The following SGCD variants were observed in gnomAD, a reference collection of about 807,000 sequenced individuals.
SGCD encodes the protein delta-sarcoglycan.
SGCD carries 18 observed loss-of-function variants against 36.6 expected under a neutral mutation model. The ratio of observed to expected loss-of-function variants is 0.49; its 90% confidence interval spans 0.34 to 0.73. The LOEUF is 0.73. SGCD is among the 30% of genes least tolerant of loss of function. The pLI is 0.01. For missense variants in SGCD, 387 were observed against 346.7 expected (o/e 1.12, Z -0.92); for synonymous variants, 133 against 130.6 (o/e 1.02, Z -0.12).
intron 6 of SGCD, among the ~76,000 whole-genome samples, chr5:156,613,312 G>T (rs914010373): frequency 6.6e-6 from 1 of 152,164 alleles, no homozygotes; most frequent in Non-Finnish European, 1.5e-5. Flanking sequence ...CACAGCCCTT[G>T]TGTGTTCACA....
At chr5:155,962,861 G>A (rs757271967) in intron 1 of SGCD, among the ~76,000 whole-genome samples, 2 of 152,142 alleles carry the variant, frequency 1.3e-5, no homozygotes, top group Non-Finnish European at 2.9e-5. Context: ...GAAATCATAA[G>A]CTGTCCTCTT....
intron 3 of SGCD, among the ~76,000 whole-genome samples, chr5:156,128,365 C>T (rs1240729913): frequency 1.3e-5 from 2 of 152,152 alleles, no homozygotes; most frequent in South Asian, 2.1e-4. Flanking sequence ...TGCTTTAAGA[C>T]CTGGAAATTC....
At chr5:155,734,584 A>G in the SGCD span, among the ~76,000 whole-genome samples, 1 of 152,236 alleles carries the variant, frequency 6.6e-6, no homozygotes, top group Non-Finnish European at 1.5e-5. Context: ...TTACTATTGC[A>G]TTGCTGTGAG....
chr5:155,773,442 T>C, the SGCD span, among the ~76,000 whole-genome samples: 1 of 152,126 alleles, frequency 6.6e-6, no homozygotes, highest in African/African-American at 2.4e-5. Context: ...GGCCTCCCAA[T>C]GTGCTGGGTT....
At chr5:156,475,761 A>G (rs1412521879) in intron 3 of SGCD, among the ~76,000 whole-genome samples, 1 of 152,138 alleles carries the variant, frequency 6.6e-6, no homozygotes, top group East Asian at 1.9e-4. Flanking sequence ...AGGCCCCCCA[A>G]CTCAGCACAT....
intron 7 of SGCD, among the ~76,000 whole-genome samples, chr5:156,696,000 C>A (rs1754304534): frequency 6.6e-6 from 1 of 152,164 alleles, no homozygotes; most frequent in Non-Finnish European, 1.5e-5. Context: ...TTTTTCTCAA[C>A]CATGAGGCCT....
At chr5:155,855,187 G>A in the SGCD span, among the ~76,000 whole-genome samples, 1 of 152,120 alleles carries the variant, frequency 6.6e-6, no homozygotes, top group Non-Finnish European at 1.5e-5. Context: ...TTCAGAGCAG[G>A]TCAGAAGTTC....
At chr5:156,130,967 G>A (rs1762307872) in intron 3 of SGCD, among the ~76,000 whole-genome samples, 1 of 152,152 alleles carries the variant, frequency 6.6e-6, no homozygotes, top group Non-Finnish European at 1.5e-5. Context: ...GACCTTATGT[G>A]ATCCACTGGC....
At chr5:156,093,022 T>C (rs984495077) in intron 1 of SGCD, among the ~76,000 whole-genome samples, 1 of 152,236 alleles carries the variant, frequency 6.6e-6, no homozygotes, top group African/African-American at 2.4e-5. Context: ...GGGGAAATTT[T>C]AATTGGCTCG....
chr5:156,067,696 C>T lies in SGCD; in HGVS notation c.-281-50182C>T, dbSNP rs1409086042. Among the ~76,000 whole-genome samples the T allele has an allele frequency of 2.5e-5, 3 of 120,130 alleles. 1 individual carries two copies. The highest frequency in any genetic ancestry group is 1.0e-4 in the African/African-American group (2 of 19,868). 78.8% of individuals were successfully genotyped at this position (120,130 alleles called of 152,430 possible). A position where few individuals can be genotyped will look rare whatever the true frequency, so the allele number is the denominator to read the frequency against. ...AGCGCAATATTCGGGTGGGAGTGAC[C>T]CTATTTTCCAGGTGCGACCATCACC... On this transcript the variant is annotated intron_variant, in intron 1 of 9. Coordinates refer to the SGCD transcript ENST00000517913.
At chr5:156,199,331 G>A (rs4704787) in intron 3 of SGCD, among the ~76,000 whole-genome samples, 46,784 of 151,750 alleles carry the variant, frequency 0.31, 7,641 homozygotes, top group East Asian at 0.59. Flanking sequence ...CCCCAAATCA[G>A]GCATCTGACA....
chr5:155,911,020 G>A (rs1756616876), intron 1 of SGCD, among the ~76,000 whole-genome samples: 1 of 152,050 alleles, frequency 6.6e-6, no homozygotes, highest in Admixed American at 6.6e-5. Context: ...TCATTTCAAA[G>A]ACGAGTAGGG....
chr5:156,340,048 A>T lies in SGCD; in HGVS notation c.4-4441A>T, dbSNP rs1055186143. On this transcript the variant is annotated intron_variant, in intron 2 of 8. Coordinates refer to ENST00000337851, the MANE Select transcript of SGCD (RefSeq NM_000337.6). ...TTGATGGTTGTAATGTAGAATGCAC[A>T]CAACTTTACACAAAGTTACACATGG... Among the ~76,000 whole-genome samples, 115 of 152,344 alleles carry T rather than the reference A, an allele frequency of 7.5e-4. 1 individual carries two copies. Among genetic ancestry groups the T allele is most frequent in the Non-Finnish European group, 1.2e-4 (8 of 68,028 alleles).
chr5:156,215,945 A>G (rs535566975), intron 3 of SGCD, among the ~76,000 whole-genome samples: 2 of 152,340 alleles, frequency 1.3e-5, no homozygotes, highest in Non-Finnish European at 2.9e-5. Flanking sequence ...AGTTCTATCA[A>G]TGGGTGAACA....
At chr5:156,375,507 A>T (rs1770613769) in intron 3 of SGCD, among the ~76,000 whole-genome samples, 1 of 151,638 alleles carries the variant, frequency 6.6e-6, no homozygotes, top group Admixed American at 6.6e-5. Context: ...GAGAGTGAGA[A>T]GGATGGTCAC....
intron 4 of SGCD, among the ~76,000 whole-genome samples, chr5:156,565,856 TCC>T (rs1759458557): frequency 1.3e-5 from 2 of 152,222 alleles, no homozygotes; most frequent in South Asian, 4.1e-4. Flanking sequence ...TTCATCAATG[TCC>T]CTGCAAATGA....
intron 3 of SGCD, among the ~76,000 whole-genome samples, chr5:156,244,000 G>A (rs1765370080): frequency 6.6e-6 from 1 of 152,134 alleles, no homozygotes; most frequent in Non-Finnish European, 1.5e-5. Flanking sequence ...ACTACTTACT[G>A]GTTTTAAAGA....
At chr5:156,482,578 A>G (rs1469112722) in intron 3 of SGCD, among the ~76,000 whole-genome samples, 2 of 152,202 alleles carry the variant, frequency 1.3e-5, no homozygotes, top group African/African-American at 4.8e-5. Context: ...AAGAAGCTCT[A>G]TGTTCTCTTT....
At chr5:156,701,271 T>C (rs1754519656) in intron 7 of SGCD, among the ~76,000 whole-genome samples, 1 of 152,208 alleles carries the variant, frequency 6.6e-6, no homozygotes, top group Non-Finnish European at 1.5e-5. Flanking sequence ...GTTCTTCCAG[T>C]TGCTCAGACA....
Sources: allele counts gnomAD v4.1 joint callset (sites outside exome capture counted in the v4.1 genomes callset), GRCh38; gene constraint gnomAD v4.1.1; transcripts MANE v1.5; gene names NCBI Gene and HGNC (gene_info 2026-07-23, HGNC 2026-07-21).